ETV6: variants seen among roughly 807,000 people sequenced by gnomAD.
ETV6 encodes transcription factor ETV6.
In ETV6, 16 loss-of-function variants were observed where a neutral mutation model predicts 51.1. The ratio of observed to expected loss-of-function variants is 0.31; its 90% confidence interval spans 0.21 to 0.48. ETV6 has a LOEUF of 0.48. Ranked by LOEUF, ETV6 falls within the 20% of genes least tolerant of loss-of-function variation. The pLI is 0.99. For synonymous variants in ETV6, 240 were observed against 224.1 expected, an observed-to-expected ratio of 1.07 and a Z score of -0.64; for missense variants, 458 against 594.8, an observed-to-expected ratio of 0.77 and a Z score of 2.39.
chr12:11,869,330 C>T lies in ETV6; in HGVS notation c.464-94C>T. 1 of 1,099,388 alleles carries T rather than the reference C, an allele frequency of 9.1e-7. No homozygotes were observed. The allele number at this position is 1,099,388 out of a possible 1,614,324, so 68.1% of individuals were successfully genotyped here. On this transcript the variant is annotated intron_variant, in intron 4 of 7. Coordinates refer to ENST00000396373, the MANE Select transcript of ETV6 (RefSeq NM_001987.5). The surrounding 1 kb of genome is among the most constrained non-coding windows in gnomAD (Gnocchi z 5.0). Reference sequence around the variant, plus strand: ...GAGAAAGGTCCTTTACACATACCTACACGCTCCTCCATTTACCGCCTGTAG... The same window carrying T: ...GAGAAAGGTCCTTTACACATACCTATACGCTCCTCCATTTACCGCCTGTAG...
At chr12:11,670,498 A>G (rs1864292974) in intron 1 of ETV6, among the ~76,000 whole-genome samples, 2 of 152,230 alleles carry the variant, frequency 1.3e-5, no homozygotes, top group Non-Finnish European at 1.5e-5. Flanking sequence ...AACTATAGTT[A>G]CTCATTTGTA....
At chr12:11,878,368 G>A (rs1007769773) in intron 5 of ETV6, among the ~76,000 whole-genome samples, 1 of 152,150 alleles carries the variant, frequency 6.6e-6, no homozygotes, top group African/African-American at 2.4e-5. Flanking sequence ...TTTGTGTAAG[G>A]GCGCACAGTG....
At chr12:11,875,996 T>C (rs921109974) in intron 5 of ETV6, among the ~76,000 whole-genome samples, 1 of 152,180 alleles carries the variant, frequency 6.6e-6, no homozygotes, top group African/African-American at 2.4e-5. Flanking sequence ...ATTGTGTACG[T>C]GGTGGTCAGT....
chr12:11,718,206 G>A (rs528831947), intron 1 of ETV6, among the ~76,000 whole-genome samples: 72 of 152,258 alleles, frequency 4.7e-4, no homozygotes, highest in African/African-American at 1.7e-3. Context: ...CCATGCTGGT[G>A]TCTTGCCCCG....
intron 2 of ETV6, among the ~76,000 whole-genome samples, chr12:11,760,032 G>A (rs1216958223): frequency 6.6e-6 from 1 of 152,166 alleles, no homozygotes; most frequent in Non-Finnish European, 1.5e-5. Context: ...GTTGCCATGG[G>A]TGGATTCTGA....
intron 1 of ETV6, among the ~76,000 whole-genome samples, chr12:11,683,981 T>A (rs1359961010): frequency 1.3e-5 from 2 of 152,166 alleles, no homozygotes; most frequent in South Asian, 2.1e-4. Context: ...TTCTAAACAC[T>A]GTGTTATAAA....
At chr12:11,888,793 C>G (rs1003499702) in intron 7 of ETV6, among the ~76,000 whole-genome samples, 5 of 152,178 alleles carry the variant, frequency 3.3e-5, no homozygotes, top group African/African-American at 7.2e-5. Context: ...GCCTCAAACT[C>G]TGGGCTCAAG....
chr12:11,689,487 T>C (rs1225521733), intron 1 of ETV6, among the ~76,000 whole-genome samples: 2 of 152,164 alleles, frequency 1.3e-5, no homozygotes, highest in African/African-American at 4.8e-5. Context: ...TCTTCTCCAG[T>C]CTTCTCCAGG....
chr12:11,750,267 T>G (rs894209584), intron 1 of ETV6, among the ~76,000 whole-genome samples: 4 of 152,248 alleles, frequency 2.6e-5, no homozygotes, highest in African/African-American at 9.6e-5. Flanking sequence ...TAAATTACAG[T>G]ATATACACTT....
At chr12:11,714,649 GAAAAAAAAA>G (rs10709538) in intron 1 of ETV6, among the ~76,000 whole-genome samples, 10 of 87,072 alleles carry the variant, frequency 1.1e-4, no homozygotes, top group South Asian at 4.1e-4. Context: ...ACCTTGAGGT[GAAAAAAAAA>G]AAAAAAAAAA....
intron 1 of ETV6, among the ~76,000 whole-genome samples, chr12:11,659,008 C>CAATT (rs1210756608): frequency 6.6e-6 from 1 of 152,222 alleles, no homozygotes; most frequent in Non-Finnish European, 1.5e-5. Flanking sequence ...AAGAGAGCAT[C>CAATT]AATTCTCCAG....
At chr12:11,673,596 G>C (rs930735319) in intron 1 of ETV6, among the ~76,000 whole-genome samples, 2 of 152,142 alleles carry the variant, frequency 1.3e-5, no homozygotes, top group African/African-American at 4.8e-5. Context: ...AAGTATGTTG[G>C]ATGAGTGAAT....
At chr12:11,858,272 A>G (rs1329299458) in intron 4 of ETV6, among the ~76,000 whole-genome samples, 3 of 152,222 alleles carry the variant, frequency 2.0e-5, no homozygotes, top group African/African-American at 4.8e-5. Flanking sequence ...GAGGCAAAGC[A>G]TCTTTAGAAA....
chr12:11,776,496 T>C (rs1945327517), intron 2 of ETV6, among the ~76,000 whole-genome samples: 1 of 152,140 alleles, frequency 6.6e-6, no homozygotes, highest in African/African-American at 2.4e-5. Flanking sequence ...CCTCCTGCTG[T>C]GGCCGCCCAA....
chr12:11,652,927 A>G (rs1424943004), intron 1 of ETV6, among the ~76,000 whole-genome samples: 2 of 152,186 alleles, frequency 1.3e-5, no homozygotes, highest in Non-Finnish European at 2.9e-5. Context: ...AGTTAATATC[A>G]GACACACACT....
At chr12:11,706,414 A>C (rs781175127) in intron 1 of ETV6, among the ~76,000 whole-genome samples, 40 of 152,188 alleles carry the variant, frequency 2.6e-4, no homozygotes, top group Admixed American at 6.5e-4. Flanking sequence ...ACATTGCAAG[A>C]TTGTTTCTTG....
chr12:11,703,516 AATG>A (rs964159786), intron 1 of ETV6, among the ~76,000 whole-genome samples: 2 of 152,180 alleles, frequency 1.3e-5, no homozygotes, highest in Non-Finnish European at 2.9e-5. Context: ...AAGCCAATGA[AATG>A]ATACCAAGAA....
intron 7 of ETV6, among the ~76,000 whole-genome samples, chr12:11,887,749 G>GA (rs58685356): frequency 0.02 from 1,950 of 97,338 alleles, 37 homozygotes; most frequent in African/African-American, 0.054. Context: ...TCCATCTCAA[G>GA]AAAAAAAAAA....
Position 11,659,165 on chromosome 12 carries a change from C to T in ETV6, c.33+9005C>T, listed in dbSNP as rs561253722. On this transcript the variant is annotated intron_variant, in intron 1 of 7. Coordinates refer to ENST00000396373, the MANE Select transcript of ETV6 (RefSeq NM_001987.5). Reference sequence around the variant, plus strand: ...ATTATACAGAAGAGTTTGAAAAGGCCAAGTTTGTTACTTTGGGGCATGGGG... The same window carrying T: ...ATTATACAGAAGAGTTTGAAAAGGCTAAGTTTGTTACTTTGGGGCATGGGG... Among the ~76,000 whole-genome samples, 6 of 152,248 alleles carry T rather than the reference C, an allele frequency of 3.9e-5. No individual in the cohort carries two copies. In the South Asian group the frequency reaches 1.2e-3, roughly 32 times the overall value.
Sources: gnomAD v4.1 joint callset for allele counts (sites outside exome capture counted in the v4.1 genomes callset) on GRCh38, gnomAD v4.1.1 for gene constraint, Gnocchi (gnomAD v3.1) non-coding constraint, MANE v1.5 for transcripts, NCBI Gene and HGNC (gene_info 2026-07-23, HGNC 2026-07-21) for gene names.